The following PCDHA7 variants were observed in gnomAD, a reference collection of about 807,000 sequenced individuals.
PCDHA7 encodes protocadherin alpha-7.
Under a neutral mutation model 57.2 loss-of-function variants are expected in PCDHA7, and 37 were observed. The observed-to-expected ratio is 0.65, with a 90% CI of 0.50 to 0.85. The LOEUF (loss-of-function observed/expected upper bound fraction) is 0.85. Among genes scored for constraint, PCDHA7 ranks in the 40% least tolerant of loss-of-function variants. The pLI, the probability that PCDHA7 is intolerant of heterozygous loss-of-function variation, is 0.00. For missense variants in PCDHA7, 1,188 were observed against 1,241.8 expected (o/e 0.96, Z 0.65); for synonymous variants, 553 against 558.8 (o/e 0.99, Z 0.15).
At chr5:140,965,356 A>T (rs1554227617) in intron 1 of PCDHA7, among the ~76,000 whole-genome samples, 3 of 152,194 alleles carry the variant, frequency 2.0e-5, no homozygotes, top group African/African-American at 7.2e-5. Flanking sequence ...CCTCTATAGC[A>T]GTACAAGAGG....
chr5:140,995,654 A>C (rs1183016354), intron 3 of PCDHA7, among the ~76,000 whole-genome samples: 2 of 152,184 alleles, frequency 1.3e-5, no homozygotes, highest in Non-Finnish European at 1.5e-5. Flanking sequence ...AGGAGAATCG[A>C]AAAGGGAAGT....
intron 1 of PCDHA7, among the ~76,000 whole-genome samples, chr5:140,885,454 C>T (rs2060601415): frequency 6.6e-6 from 1 of 152,054 alleles, no homozygotes; most frequent in Admixed American, 6.5e-5. Flanking sequence ...TATTATTTAC[C>T]TAATGATGGG....
chr5:140,941,259 T>G (rs368206632), intron 1 of PCDHA7, among the ~76,000 whole-genome samples: 1 of 121,734 alleles, frequency 8.2e-6, no homozygotes, highest in Non-Finnish European at 1.8e-5. Flanking sequence ...TTCTTTCTCT[T>G]TCTTTCTTTC....
intron 1 of PCDHA7, chr5:140,875,396 T>TA (rs1256359492): frequency 1.4e-6 from 2 of 1,478,102 alleles, no homozygotes; most frequent in African/African-American, 2.8e-5. Flanking sequence ...CAGAAAAGGG[T>TA]GACTGCTCAT....
intron 1 of PCDHA7, among the ~76,000 whole-genome samples, chr5:140,943,772 T>G (rs371770047): frequency 2.9e-4 from 44 of 152,232 alleles, no homozygotes; most frequent in African/African-American, 6.7e-4. Context: ...GGAAAAAAAC[T>G]AGGAAGTGGT....
At chr5:140,882,259 G>A (rs1554173247) in intron 1 of PCDHA7, 1 of 1,603,126 alleles carries the variant, frequency 6.2e-7, no homozygotes, top group Non-Finnish European at 8.5e-7. Flanking sequence ...TGAGGTTTTT[G>A]GAGTGTACCA....
rs1307872758 is a variant in PCDHA7, at chr5:140,858,559, T to A, written c.2355+21821T>A. The A allele has an allele frequency of 2.2e-6, 3 of 1,382,404 alleles. No homozygotes were observed. The African/African-American group carries it at 4.3e-5, about 20-fold the overall frequency. The allele number at this position is 1,382,404 out of a possible 1,614,324, so 85.6% of individuals were successfully genotyped here. On this transcript the variant is annotated intron_variant, in intron 1 of 3. Coordinates refer to ENST00000525929, the MANE Select transcript of PCDHA7 (RefSeq NM_018910.3). The stretch of plus-strand genomic sequence containing the variant: ...CTACATTCCATTTATGCTTGAATAT[T>A]TCTAGTGATACCTTTGTAATATAAT...
chr5:140,870,693 A>C, intron 1 of PCDHA7: 1 of 1,612,950 alleles, frequency 6.2e-7, no homozygotes, highest in Non-Finnish European at 8.5e-7. Context: ...TGGAGCTGCT[A>C]CAGTTCCAGG....
chr5:140,842,085 C>T (rs2150329021), intron 1 of PCDHA7: 1 of 1,613,890 alleles, frequency 6.2e-7, no homozygotes, highest in Non-Finnish European at 8.5e-7. Flanking sequence ...TTCGAAAACG[C>T]AGACAACGGA....
intron 1 of PCDHA7, chr5:140,969,531 A>G: frequency 7.4e-7 from 1 of 1,356,026 alleles, no homozygotes; most frequent in South Asian, 1.6e-5. Context: ...TTTATTTTTC[A>G]TTTTCAGAGG....
At chr5:140,849,816 G>A (rs2150451582) in intron 1 of PCDHA7, 4 of 1,598,578 alleles carry the variant, frequency 2.5e-6, no homozygotes, top group East Asian at 2.2e-5. Flanking sequence ...CACGGCCAGG[G>A]TGTCTGTGGA....
chr5:140,956,707 C>T (rs1461272130), intron 1 of PCDHA7, among the ~76,000 whole-genome samples: 9 of 152,120 alleles, frequency 5.9e-5, no homozygotes, highest in Non-Finnish European at 1.3e-4. Flanking sequence ...TTTGGAATAG[C>T]TTCAGAAGAA....
At chr5:140,886,852 G>T (rs1554182787) in intron 1 of PCDHA7, among the ~76,000 whole-genome samples, 1 of 146,470 alleles carries the variant, frequency 6.8e-6, no homozygotes, top group Non-Finnish European at 1.5e-5. Flanking sequence ...AAAAAAGAAA[G>T]GTCTTCCCAA....
At chr5:140,875,278 T>A in intron 1 of PCDHA7, 1 of 1,326,774 alleles carries the variant, frequency 7.5e-7, no homozygotes, top group Non-Finnish European at 9.9e-7. Context: ...ACTCAGAAGG[T>A]GAAACAGGAA....
At chr5:140,838,136 CAG>C (rs1270820690) in intron 1 of PCDHA7, among the ~76,000 whole-genome samples, 9 of 126,910 alleles carry the variant, frequency 7.1e-5, no homozygotes, top group East Asian at 2.4e-4. Flanking sequence ...GTGTGTTTGA[CAG>C]AGTTTTACTC....
At chr5:140,995,860 A>C (rs1220139939) in intron 3 of PCDHA7, among the ~76,000 whole-genome samples, 1 of 152,220 alleles carries the variant, frequency 6.6e-6, no homozygotes, top group Non-Finnish European at 1.5e-5. Flanking sequence ...CGTATCACTT[A>C]ATAATTGTGC....
chr5:140,957,652 A>G (rs2095373583), intron 1 of PCDHA7, among the ~76,000 whole-genome samples: 1 of 152,132 alleles, frequency 6.6e-6, no homozygotes, highest in African/African-American at 2.4e-5. Flanking sequence ...TAAATATTCA[A>G]TCATGGAGTA....
chr5:141,003,074 G>A (rs941146075), intron 3 of PCDHA7, among the ~76,000 whole-genome samples: 2 of 152,224 alleles, frequency 1.3e-5, no homozygotes, highest in Non-Finnish European at 2.9e-5. Flanking sequence ...GCAGATGAGG[G>A]TGAGTTTAAC....
At chr5:141,002,595 C>T (rs2098087240) in intron 3 of PCDHA7, among the ~76,000 whole-genome samples, 2 of 152,192 alleles carry the variant, frequency 1.3e-5, no homozygotes, top group Admixed American at 1.3e-4. Context: ...TTAGTCCCCT[C>T]ATCTATAAAA....
Sources: allele counts gnomAD v4.1 joint callset (sites outside exome capture counted in the v4.1 genomes callset), GRCh38; gene constraint gnomAD v4.1.1; transcripts MANE v1.5; gene names NCBI Gene and HGNC (gene_info 2026-07-23, HGNC 2026-07-21).